ARHGEF3: variants seen among roughly 807,000 people sequenced by gnomAD.
ARHGEF3 encodes 59.8 kDA protein.
Under a neutral mutation model 63.2 loss-of-function variants are expected in ARHGEF3, and 28 were observed. The ratio of observed to expected loss-of-function variants is 0.44; its 90% CI spans 0.33 to 0.61. The LOEUF (loss-of-function observed/expected upper bound fraction) is 0.61, where lower values mean the gene tolerates loss of function less well. ARHGEF3 is among the 20% of genes least tolerant of loss of function. The pLI, the probability that ARHGEF3 is intolerant of heterozygous loss-of-function variation, is 0.03. For synonymous variants in ARHGEF3, 266 were observed against 254.2 expected (o/e 1.05, Z -0.44); for missense variants, 533 against 659.3 (o/e 0.81, Z 2.10).
chr3:57,069,716 C>A (rs1453751269), intron 1 of ARHGEF3, among the ~76,000 whole-genome samples: 1 of 152,166 alleles, frequency 6.6e-6, no homozygotes, highest in Non-Finnish European at 1.5e-5. Context: ...GTGAGCACAG[C>A]TCATTGCAGC....
chr3:56,823,722 A>C (rs1203481498), intron 4 of ARHGEF3, among the ~76,000 whole-genome samples: 2 of 152,180 alleles, frequency 1.3e-5, no homozygotes, highest in Non-Finnish European at 2.9e-5. Flanking sequence ...AGGTTATTTT[A>C]ACTGCCAGAA....
intron 4 of ARHGEF3, among the ~76,000 whole-genome samples, chr3:56,850,507 T>C (rs1458491830): frequency 6.6e-6 from 1 of 152,182 alleles, no homozygotes. Context: ...GCAGCCTGGG[T>C]GACAGAGTAA....
chr3:57,034,603 T>C (rs1317857012), intron 2 of ARHGEF3, among the ~76,000 whole-genome samples: 1 of 151,280 alleles, frequency 6.6e-6, no homozygotes, highest in African/African-American at 2.4e-5. Context: ...ACATCTCTAG[T>C]AAGAAATTAG....
intron 1 of ARHGEF3, among the ~76,000 whole-genome samples, chr3:56,795,961 A>G (rs909658443): frequency 2.8e-5 from 4 of 145,048 alleles, no homozygotes; most frequent in African/African-American, 1.1e-4. Context: ...TAAACTAGTT[A>G]TTGGTGTCAA....
intron 2 of ARHGEF3, among the ~76,000 whole-genome samples, chr3:56,969,877 G>A (rs1372510398): frequency 6.6e-6 from 1 of 151,934 alleles, no homozygotes; most frequent in Admixed American, 6.6e-5. Flanking sequence ...AAAGAATGAA[G>A]TACTGATACA....
At chr3:56,774,951 G>A in intron 1 of ARHGEF3, 1 of 1,354,974 alleles carries the variant, frequency 7.4e-7, no homozygotes, top group Non-Finnish European at 9.9e-7. Flanking sequence ...CTATGGGGAA[G>A]AGAATGATGA....
rs779375292 is a variant in ARHGEF3 at position 56,755,077 on chromosome 3, G to T, written c.279C>A (p.Pro93=). The part of the protein sequence containing the change: ...APRPWSRNAA[P]SSTKRRDSKL... The stretch of plus-strand genomic sequence containing the variant: ...TGCTATCTCTCCGTTTCGTGCTCGA[G>T]GGGGCGGCATTTCTGGACCAGGGTC... Residue 93 remains proline (P), a synonymous_variant, in exon 3 of 10, where the codon CCC becomes CCA. Transcript: ENST00000296315. 6.2e-7 allele frequency: 1 copy of T among 1,614,124 alleles called. No individual in the cohort carries two copies. The highest frequency in any genetic ancestry group is 1.7e-5 in the Admixed American group (1 of 60,026).
intron 1 of ARHGEF3, among the ~76,000 whole-genome samples, chr3:57,065,109 GT>G (rs1418788361): frequency 6.6e-6 from 1 of 152,230 alleles, no homozygotes; most frequent in African/African-American, 2.4e-5. Context: ...ATAACTGCAT[GT>G]TTATTTGCTG....
chr3:56,871,445 A>G (rs972685960), intron 4 of ARHGEF3, among the ~76,000 whole-genome samples: 3 of 152,054 alleles, frequency 2.0e-5, no homozygotes, highest in Non-Finnish European at 4.4e-5. Flanking sequence ...TTAAAAAACT[A>G]AAAACTAAAA....
chr3:56,798,481 A>G (rs1339750132), intron 1 of ARHGEF3, among the ~76,000 whole-genome samples: 6 of 151,716 alleles, frequency 4.0e-5, no homozygotes, highest in Non-Finnish European at 7.4e-5. Context: ...ACAAGGCTCT[A>G]GCTTCCTTAG....
intron 4 of ARHGEF3, among the ~76,000 whole-genome samples, chr3:56,858,492 A>G (rs1359846765): frequency 1.3e-5 from 2 of 152,216 alleles, no homozygotes; most frequent in African/African-American, 2.4e-5. Flanking sequence ...GCTAGAGATT[A>G]TAACAATTGA....
At chr3:56,757,750 T>A (rs1339589360) in intron 2 of ARHGEF3, among the ~76,000 whole-genome samples, 2 of 150,688 alleles carry the variant, frequency 1.3e-5, no homozygotes, top group African/African-American at 4.9e-5. Context: ...TGAGATGGAG[T>A]CTTGCTCTGT....
chr3:57,058,725 A>G (rs528106928), intron 1 of ARHGEF3, among the ~76,000 whole-genome samples: 3 of 152,266 alleles, frequency 2.0e-5, no homozygotes, highest in Admixed American at 2.0e-4. Context: ...TCACAATAGC[A>G]AAGACTTGGA....
chr3:56,967,152 C>T (rs1301623517), intron 2 of ARHGEF3, among the ~76,000 whole-genome samples: 3 of 146,438 alleles, frequency 2.0e-5, no homozygotes, highest in East Asian at 3.9e-4. Context: ...CATGAGCCAC[C>T]GCGCCCAGCC....
chr3:56,894,950 C>T lies in ARHGEF3; in HGVS notation c.130-12596G>A, dbSNP rs533242531. Among the ~76,000 whole-genome samples the T allele has an allele frequency of 2.2e-4, 34 of 152,276 alleles. No homozygotes were observed. In the Middle Eastern group the frequency reaches 0.017, roughly 76 times the overall value. On this transcript the variant is annotated intron_variant, in intron 3 of 12. Transcript: ENST00000338458. ...AGAAAATTTAGCCCAAAGTACTTTC[C>T]CCCATCCCTGCAGCCCATTTGTGGC...
chr3:56,925,608 T>C (rs1012160769), intron 3 of ARHGEF3, among the ~76,000 whole-genome samples: 3 of 96,392 alleles, frequency 3.1e-5, no homozygotes, highest in Non-Finnish European at 2.3e-5. Flanking sequence ...TAAGCTAATT[T>C]AATTCTATGA....
intron 1 of ARHGEF3, among the ~76,000 whole-genome samples, chr3:56,778,553 G>C (rs1185587711): frequency 1.3e-5 from 2 of 152,160 alleles, no homozygotes; most frequent in Non-Finnish European, 2.9e-5. Flanking sequence ...TATTCTTTGA[G>C]ACAGGGTCTT....
chr3:56,935,489 G>C (rs1203642579), intron 3 of ARHGEF3, among the ~76,000 whole-genome samples: 1 of 152,152 alleles, frequency 6.6e-6, no homozygotes, highest in Non-Finnish European at 1.5e-5. Flanking sequence ...TCTTGCTACT[G>C]CTCACTCTTT....
chr3:56,997,356 T>C (rs1702034017), intron 2 of ARHGEF3, among the ~76,000 whole-genome samples: 1 of 152,144 alleles, frequency 6.6e-6, no homozygotes, highest in Non-Finnish European at 1.5e-5. Context: ...TTTGGTCACT[T>C]CTGCCCAGTC....
Sources: gnomAD v4.1 joint callset for allele counts (sites outside exome capture counted in the v4.1 genomes callset) on GRCh38, gnomAD v4.1.1 for gene constraint, MANE v1.5 for transcripts, NCBI Gene and HGNC (gene_info 2026-07-23, HGNC 2026-07-21) for gene names.